Variants in LSS observed in about 807,000 individuals in gnomAD.
LSS encodes lanosterol synthase.
Under a neutral mutation model 110.3 loss-of-function variants are expected in LSS, and 90 were observed. The observed-to-expected ratio is 0.82, with a 90% CI of 0.69 to 0.97. LSS has a LOEUF of 0.97. Among genes scored for constraint, LSS ranks in the 50% least tolerant of loss-of-function variants. The pLI, the probability that LSS is intolerant of heterozygous loss-of-function variation, is 0.00. For synonymous variants in LSS, 433 were observed against 400.0 expected, an observed-to-expected ratio of 1.08 and a Z score of -0.98; for missense variants, 927 against 990.0, an observed-to-expected ratio of 0.94 and a Z score of 0.85.
In LSS at chr21:46,197,615, G is replaced by A. The variant is rs190681643; in HGVS notation, c.1671-1348C>T. Among the ~76,000 whole-genome samples, 159 of 152,332 alleles carry A rather than the reference G, an allele frequency of 1.0e-3. 1 individual carries two copies. In the Middle Eastern group the frequency reaches 0.017, roughly 16 times the overall value. ...TAAAACTGAGAAACTGCTGCCGGGC[G>A]CAGTGGCTCACGCCTTGTAATCCCA... On this transcript the variant is annotated intron_variant, in intron 17 of 21. Transcript: ENST00000397728.
intron 2 of LSS, 150 bp downstream of exon 2, chr21:46,228,284 G>A (rs978072238): frequency 1.3e-6 from 1 of 783,488 alleles, no homozygotes; most frequent in Admixed American, 2.9e-5. Flanking sequence ...GAAGCGGAGG[G>A]GCCCGCGAAC....
chr21:46,222,173 C>A, intron 4 of LSS, 198 bp from the exon 5 acceptor site: 2 of 604,824 alleles, frequency 3.3e-6, no homozygotes, highest in Admixed American at 2.9e-5. Context: ...ACTGAGCCCC[C>A]CACTCCTTCC....
At position 46,209,392 on chromosome 21, in the gene LSS, A is replaced by C. The variant is rs898386192; in HGVS notation, c.1266+162T>G. Among the ~76,000 whole-genome samples the C allele has an allele frequency of 2.8e-5, 4 of 141,428 alleles. No homozygotes were observed. Among genetic ancestry groups the C allele is most frequent in the African/African-American group, 1.0e-4 (4 of 39,802 alleles). 92.8% of individuals were successfully genotyped at this position (141,428 alleles called of 152,430 possible). On this transcript the variant is annotated intron_variant, in intron 13 of 21. Coordinates refer to ENST00000397728, the MANE Select transcript of LSS (RefSeq NM_002340.6). This position sits in a 1 kb window ranked among gnomAD's most constrained non-coding sequence, Gnocchi z 4.4. ...AGGCCAGCCCGAGGAGGACCGGTGG[A>C]TGGAGCAGGGGCTAGGGAGGGGATG...
chr21:46,199,234 C>A (rs547739158), intron 17 of LSS, among the ~76,000 whole-genome samples: 1 of 152,264 alleles, frequency 6.6e-6, no homozygotes, highest in South Asian at 2.1e-4. Flanking sequence ...GGACACATCA[C>A]TGAAAAAGAT....
At position 46,194,587 on chromosome 21, in the gene LSS, T is replaced by C; in HGVS notation, c.1892A>G (p.Glu631Gly). The change falls in exon 20 of 22, where the codon GAG (glutamate) becomes GGG (glycine). Residue 631 changes from glutamate to glycine, a missense_variant. Transcript: ENST00000397728. ...SRQMADGGWG[E>G]DFESCEERRY... is the part of the protein sequence containing the mutation. ...CCGCTCCTCGCAGGACTCAAAGTCC[T>C]CCCCCCAGCCTCCGTCTGCCATCTG... is the stretch of plus-strand genomic sequence containing the variant. 1 of 1,613,258 alleles carries C rather than the reference T, an allele frequency of 6.2e-7. No homozygotes were observed.
rs1050420276 is a variant in LSS, at chr21:46,213,652, C to T, written c.1109+86G>A. 4.2e-5 allele frequency: 51 copies of T among 1,217,790 alleles called. 1 individual carries two copies. Among genetic ancestry groups the T allele is most frequent in the Non-Finnish European group, 5.3e-5 (45 of 843,448 alleles). 75.4% of individuals were successfully genotyped at this position (1,217,790 alleles called of 1,614,324 possible). A position where few individuals can be genotyped will look rare whatever the true frequency, so the allele number is the denominator to read the frequency against. Reference sequence around the variant, plus strand: ...CCCTGGCAGTATTCCCAGATGGCACCGTGGGGGCCCCCTCACTGGGATGCA... The same window carrying T: ...CCCTGGCAGTATTCCCAGATGGCACTGTGGGGGCCCCCTCACTGGGATGCA... On this transcript the variant is annotated intron_variant, in intron 10 of 21. Coordinates refer to ENST00000397728, the MANE Select transcript of LSS (RefSeq NM_002340.6).
intron 5 of LSS, 73 bp from the exon 6 acceptor site, chr21:46,219,645 G>A (rs2080249750): frequency 1.0e-6 from 1 of 957,634 alleles, no homozygotes; most frequent in Non-Finnish European, 1.5e-6. Flanking sequence ...TAGCTGGGAA[G>A]CTTCACCCTC....
At position 46,208,461 on chromosome 21, in the gene LSS, G is replaced by T. The variant is rs73144751; in HGVS notation, c.1267-160C>A. ...AGCCACCACTGGTGCTGCGAGGCGC[G>T]CGAGGGCCTGCACCTGTTTAGCTCA... On this transcript the variant is annotated intron_variant, in intron 13 of 21. Transcript: ENST00000397728. Among the ~76,000 whole-genome samples the T allele has an allele frequency of 0.16, 24,168 of 152,224 alleles. 2,509 individuals carry two copies. The highest frequency in any genetic ancestry group is 0.22 in the Non-Finnish European group (15,085 of 67,976).
At chr21:46,196,518 C>T (rs2079912189) in intron 17 of LSS, 1 of 526,730 alleles carries the variant, frequency 1.9e-6, no homozygotes. Context: ...CCCCTGCAGA[C>T]ACAGCTGCAA....
At chr21:46,213,350 G>A (rs550520367) in intron 10 of LSS, among the ~76,000 whole-genome samples, 5 of 152,354 alleles carry the variant, frequency 3.3e-5, no homozygotes, top group African/African-American at 1.2e-4. Context: ...AGGCACCAGA[G>A]GAAGAGGCCT....
intron 3 of LSS, among the ~76,000 whole-genome samples, chr21:46,224,061 C>T (rs1221899166): frequency 1.3e-5 from 2 of 152,148 alleles, no homozygotes; most frequent in Non-Finnish European, 2.9e-5. Flanking sequence ...TCAGTGGTCA[C>T]GCTCCTAGTC....
intron 21 of LSS, 99 bp from the exon 22 acceptor site, chr21:46,191,334 G>T: frequency 7.2e-7 from 1 of 1,389,192 alleles, no homozygotes; most frequent in Non-Finnish European, 1.0e-6. Flanking sequence ...TGGCTTGTGG[G>T]TGAGTCAGCC....
intron 17 of LSS, among the ~76,000 whole-genome samples, chr21:46,202,226 C>T (rs1226646808): frequency 6.9e-6 from 1 of 144,050 alleles, no homozygotes; most frequent in Non-Finnish European, 1.5e-5. Flanking sequence ...AACCCCGTCT[C>T]TACTAAAAAT....
At chr21:46,202,657 G>A (rs1301248243) in intron 17 of LSS, among the ~76,000 whole-genome samples, 1 of 152,168 alleles carries the variant, frequency 6.6e-6, no homozygotes, top group African/African-American at 2.4e-5. Context: ...GCCGAGGTGG[G>A]AGGATTGCTT....
chr21:46,202,780 G>A (rs1255452610), intron 17 of LSS, among the ~76,000 whole-genome samples: 1 of 152,184 alleles, frequency 6.6e-6, no homozygotes, highest in Non-Finnish European at 1.5e-5. Flanking sequence ...AGGAGGCTGA[G>A]GTGGGAGGAT....
chr21:46,196,470 G>A, intron 17 of LSS: 1 of 574,854 alleles, frequency 1.7e-6, no homozygotes, highest in African/African-American at 1.9e-5. Context: ...GGCAGAGTCT[G>A]AGAAAGGGAC....
chr21:46,209,290 T>A lies in LSS; in HGVS notation c.1266+264A>T, dbSNP rs976276242. ...GCCCGTGCCTGGCCCTTGCACACAG[T>A]GGCTCCAACATGAGCAGGACGCAGA... On this transcript the variant is annotated intron_variant, in intron 13 of 21. Transcript: ENST00000397728. The surrounding 1 kb of genome is among the most constrained non-coding windows in gnomAD (Gnocchi z 4.4). Among the ~76,000 whole-genome samples the A allele has an allele frequency of 1.3e-5, 2 of 152,010 alleles. No homozygotes were observed. The highest frequency in any genetic ancestry group is 2.9e-5 in the Non-Finnish European group (2 of 67,982).
intron 11 of LSS, 32 bp downstream of exon 11, chr21:46,212,989 AAAGG>A: frequency 6.2e-7 from 1 of 1,613,454 alleles, no homozygotes; most frequent in African/African-American, 1.3e-5. Context: ...ACATGATTGC[AAAGG>A]AAGCATGCAG....
rs1181667327 is a variant in LSS at position 46,222,717 on chromosome 21, A to G, written c.341T>C (p.Val114Ala). The G allele has an allele frequency of 1.2e-6, 2 of 1,613,862 alleles. 1 individual carries two copies. The highest frequency in any genetic ancestry group is 1.7e-6 in the Non-Finnish European group (2 of 1,180,008). Residue 114 changes from valine to alanine, a missense_variant, in exon 4 of 22, where the codon GTG becomes GCG. Coordinates refer to ENST00000397728, the MANE Select transcript of LSS (RefSeq NM_002340.6). ...LLPGLLITCH[V>A]ARIPLPAGYR... is the part of the protein sequence containing the mutation. ...TCCGGCTGGCAGAGGGATGCGTGCCACGTGGCAAGTGATCAGGAGGCCTGT... is the reference window on the plus strand; with the variant it reads ...TCCGGCTGGCAGAGGGATGCGTGCCGCGTGGCAAGTGATCAGGAGGCCTGT...
Sources: gnomAD v4.1 joint callset for allele counts (sites outside exome capture counted in the v4.1 genomes callset) on GRCh38, gnomAD v4.1.1 for gene constraint, Gnocchi (gnomAD v3.1) non-coding constraint, MANE v1.5 for transcripts, NCBI Gene and HGNC (gene_info 2026-07-23, HGNC 2026-07-21) for gene names.